Variants in R3HDM2 observed in about 807,000 individuals in gnomAD.
R3HDM2 encodes R3H domain containing 2, also known as R3H domain-containing protein 2.
Under a neutral mutation model 124.5 loss-of-function variants are expected in R3HDM2, and 38 were observed. The observed-to-expected ratio is 0.31, with a 90% CI of 0.24 to 0.40. The LOEUF (loss-of-function observed/expected upper bound fraction) is 0.40, where lower values mean the gene tolerates loss of function less well. R3HDM2 is among the 10% of genes least tolerant of loss of function. The probability of loss-of-function intolerance (pLI) is 1.00; values close to 1 mark genes in which losing one functional copy is unlikely to be tolerated. For synonymous variants in R3HDM2, 391 were observed against 448.0 expected (o/e 0.87, Z 1.61); for missense variants, 869 against 1,236.9 (o/e 0.70, Z 4.46).
chr12:57,372,639 T>C (rs190662267), intron 2 of R3HDM2, among the ~76,000 whole-genome samples: 10 of 152,250 alleles, frequency 6.6e-5, no homozygotes, highest in South Asian at 4.1e-4. Context: ...AGAAAGCAAA[T>C]CTAAATGACA....
At chr12:57,262,902 A>G (rs2041235607) in intron 19 of R3HDM2, among the ~76,000 whole-genome samples, 1 of 152,192 alleles carries the variant, frequency 6.6e-6, no homozygotes, top group African/African-American at 2.4e-5. Context: ...CAACCAGGGT[A>G]ACTAAGAACA....
intron 1 of R3HDM2, among the ~76,000 whole-genome samples, chr12:57,396,539 G>GT (rs1220470779): frequency 6.6e-5 from 10 of 151,854 alleles, no homozygotes; most frequent in African/African-American, 2.4e-4. Context: ...AGCACTTTGG[G>GT]AGGCCCAGGC....
At chr12:57,342,515 C>G (rs1413470273) in intron 2 of R3HDM2, among the ~76,000 whole-genome samples, 1 of 151,588 alleles carries the variant, frequency 6.6e-6, no homozygotes, top group East Asian at 2.0e-4. Flanking sequence ...CACACACACA[C>G]AGAGGCTGTA....
At chr12:57,395,722 T>C (rs1384091997) in intron 2 of R3HDM2, 27 bp downstream of exon 2, 9 of 933,472 alleles carry the variant, frequency 9.6e-6, no homozygotes, top group Admixed American at 6.2e-5. Context: ...ACACAGAAAG[T>C]GCTCCATAAA....
chr12:57,255,480 T>C (rs545650669), intron 23 of R3HDM2, among the ~76,000 whole-genome samples: 2 of 152,338 alleles, frequency 1.3e-5, no homozygotes, highest in East Asian at 1.9e-4. Flanking sequence ...ATCTGAAATA[T>C]GTTCCATAGT....
chr12:57,365,061 A>C (rs1414322024), intron 2 of R3HDM2, among the ~76,000 whole-genome samples: 11 of 151,496 alleles, frequency 7.3e-5, no homozygotes, highest in Non-Finnish European at 1.6e-4. Context: ...TCAGGAGTTC[A>C]AGATCAGCCC....
chr12:57,376,530 C>G (rs559368866), intron 2 of R3HDM2, among the ~76,000 whole-genome samples: 6 of 152,296 alleles, frequency 3.9e-5, no homozygotes, highest in Admixed American at 1.3e-4. Context: ...GTGGCACATG[C>G]CTGTGGTCCC....
At chr12:57,305,851 T>C (rs1200239820) in intron 3 of R3HDM2, among the ~76,000 whole-genome samples, 3 of 152,378 alleles carry the variant, frequency 2.0e-5, no homozygotes, top group East Asian at 1.9e-4. Context: ...AGAGATAAAA[T>C]GGTGAGCCAA....
intron 14 of R3HDM2, 149 bp from the exon 15 acceptor site, chr12:57,270,143 G>T: frequency 1.1e-6 from 1 of 949,390 alleles, no homozygotes; most frequent in Non-Finnish European, 1.6e-6. Context: ...GCTATGAATT[G>T]AATAGCTGTT....
intron 2 of R3HDM2, among the ~76,000 whole-genome samples, chr12:57,370,532 C>T (rs924475901): frequency 6.6e-5 from 10 of 151,920 alleles, no homozygotes; most frequent in East Asian, 5.8e-4. Context: ...CCCAGCTACT[C>T]GGGAGGCTGA....
intron 2 of R3HDM2, among the ~76,000 whole-genome samples, chr12:57,371,192 G>A (rs1378163452): frequency 7.4e-6 from 1 of 135,758 alleles, no homozygotes; most frequent in African/African-American, 2.8e-5. Context: ...GTGCCTAAAT[G>A]ATTAACAGCT....
At chr12:57,312,305 A>G (rs1031706339) in intron 2 of R3HDM2, among the ~76,000 whole-genome samples, 33 of 133,094 alleles carry the variant, frequency 2.5e-4, no homozygotes, top group African/African-American at 8.8e-4. Context: ...CTGCTTTGTG[A>G]TTTTTTTTTT....
intron 2 of R3HDM2, among the ~76,000 whole-genome samples, chr12:57,377,232 C>T (rs1364924741): frequency 6.6e-6 from 1 of 151,512 alleles, no homozygotes; most frequent in East Asian, 1.9e-4. Context: ...CAGTAACTAA[C>T]AGAAAGTCTT....
intron 2 of R3HDM2, among the ~76,000 whole-genome samples, chr12:57,342,286 C>G (rs1188814867): frequency 1.3e-5 from 2 of 152,116 alleles, no homozygotes; most frequent in Admixed American, 1.3e-4. Flanking sequence ...AAACCTGTGC[C>G]TCTTCCCCCA....
intron 1 of R3HDM2, among the ~76,000 whole-genome samples, chr12:57,419,839 C>T (rs2070016995): frequency 6.6e-6 from 1 of 151,980 alleles, no homozygotes; most frequent in Non-Finnish European, 1.5e-5. Flanking sequence ...ATATCTTTGC[C>T]TGCCTAGCCA....
At chr12:57,352,089 C>A (rs1236036547) in intron 2 of R3HDM2, among the ~76,000 whole-genome samples, 1 of 151,824 alleles carries the variant, frequency 6.6e-6, no homozygotes, top group Non-Finnish European at 1.5e-5. Context: ...TATATTCTAA[C>A]AGTAGAGAAA....
At chr12:57,291,143 G>A (rs1432159418) in intron 11 of R3HDM2, among the ~76,000 whole-genome samples, 1 of 152,074 alleles carries the variant, frequency 6.6e-6, no homozygotes, top group African/African-American at 2.4e-5. Context: ...TGGACTTTGG[G>A]CCAGAAAGTT....
intron 2 of R3HDM2, among the ~76,000 whole-genome samples, chr12:57,381,155 C>T (rs954642074): frequency 2.6e-5 from 4 of 152,042 alleles, no homozygotes; most frequent in Non-Finnish European, 5.9e-5. Context: ...CACTTGAACC[C>T]GGGAGGCAGA....
At chr12:57,423,726 G>A (rs1330428070) in intron 1 of R3HDM2, among the ~76,000 whole-genome samples, 1 of 142,576 alleles carries the variant, frequency 7.0e-6, no homozygotes, top group Admixed American at 7.3e-5. Flanking sequence ...GCGATTGCTT[G>A]AACCCAGGAG....
Sources: gnomAD v4.1 joint callset for allele counts (sites outside exome capture counted in the v4.1 genomes callset) on GRCh38, gnomAD v4.1.1 for gene constraint, MANE v1.5 for transcripts, NCBI Gene and HGNC (gene_info 2026-07-23, HGNC 2026-07-21) for gene names.